The following ELL2 variants were observed in gnomAD, a reference collection of about 807,000 sequenced individuals.
ELL2 encodes RNA polymerase II elongation factor ELL2.
A neutral mutation model predicts 72.8 loss-of-function variants in ELL2; 21 were observed. That is an observed-to-expected ratio of 0.29 (90% CI 0.20 to 0.42). ELL2 has a LOEUF of 0.42. ELL2 is among the 10% of genes least tolerant of loss of function. The pLI is 1.00. For missense variants in ELL2, 568 were observed against 772.8 expected (o/e 0.73, Z 3.14); for synonymous variants, 266 against 283.2 (o/e 0.94, Z 0.61).
chr5:95,912,551 T>C (rs948822429), intron 4 of ELL2, among the ~76,000 whole-genome samples: 2 of 152,180 alleles, frequency 1.3e-5, no homozygotes, highest in Non-Finnish European at 2.9e-5. Flanking sequence ...AGAAAGTTAA[T>C]TAAGTTACTT....
At chr5:95,911,628 G>C (rs1411719141) in intron 4 of ELL2, among the ~76,000 whole-genome samples, 2 of 152,220 alleles carry the variant, frequency 1.3e-5, no homozygotes, top group Non-Finnish European at 2.9e-5. Flanking sequence ...TTACAGGCGT[G>C]AGCCATCGCA....
In ELL2 at chr5:95,889,914, GA is replaced by G. The variant is rs1055054837; in HGVS notation, c.1762-785del. On this transcript the variant is annotated intron_variant, in intron 10 of 11. Coordinates refer to ENST00000237853, the MANE Select transcript of ELL2 (RefSeq NM_012081.6). ...GGGGGGGAGTCAGGTGCCTGGGGGG[GA>G]TAATAGCCTAATGTATGTACCAAGT... Among the ~76,000 whole-genome samples the G allele has an allele frequency of 2.6e-5, 3 of 115,954 alleles. No homozygotes were observed. In the Admixed American group the frequency reaches 2.9e-4, roughly 11 times the overall value. 76.1% of individuals were successfully genotyped at this position (115,954 alleles called of 152,430 possible).
intron 2 of ELL2, among the ~76,000 whole-genome samples, chr5:95,931,765 A>T (rs567068300): frequency 8.3e-5 from 12 of 144,248 alleles, no homozygotes; most frequent in African/African-American, 2.8e-4. Flanking sequence ...CTAGAAGGGT[A>T]GCAAACACTG....
At chr5:95,942,959 C>T (rs765364350) in intron 2 of ELL2, 43 bp downstream of exon 2, 4 of 1,480,374 alleles carry the variant, frequency 2.7e-6, no homozygotes, top group Non-Finnish European at 3.6e-6. Context: ...GAATAGCGTG[C>T]AAGAACATTA....
intron 1 of ELL2, among the ~76,000 whole-genome samples, chr5:95,953,568 G>C (rs1359949216): frequency 6.6e-6 from 1 of 152,236 alleles, no homozygotes; most frequent in Non-Finnish European, 1.5e-5. Context: ...TAAGCTCACA[G>C]TTGAGTGAAA....
chr5:95,889,233 G>A (rs986281149), intron 10 of ELL2, 103 bp from the exon 11 acceptor site: 3 of 921,006 alleles, frequency 3.3e-6, no homozygotes, highest in Admixed American at 2.7e-5. Context: ...AATATTGACT[G>A]TGGGAATGTA....
intron 1 of ELL2, among the ~76,000 whole-genome samples, chr5:95,951,579 G>A (rs1412251051): frequency 6.6e-6 from 1 of 151,958 alleles, no homozygotes; most frequent in Non-Finnish European, 1.5e-5. Flanking sequence ...GGTAAAATAA[G>A]CTTAGATTGG....
chr5:95,920,276 A>AGT (rs1749999921), intron 2 of ELL2, among the ~76,000 whole-genome samples: 1 of 130,856 alleles, frequency 7.6e-6, no homozygotes, highest in Admixed American at 8.1e-5. Context: ...TTAAATTTTT[A>AGT]ATATTTATTT....
chr5:95,919,960 A>G (rs185765419), intron 2 of ELL2, among the ~76,000 whole-genome samples: 81 of 152,296 alleles, frequency 5.3e-4, no homozygotes, highest in Non-Finnish European at 8.5e-4. Flanking sequence ...TATTGAAGCA[A>G]TCTCTGAGAT....
chr5:95,926,787 A>G (rs1157846266), intron 2 of ELL2, among the ~76,000 whole-genome samples: 1 of 152,226 alleles, frequency 6.6e-6, no homozygotes, highest in Non-Finnish European at 1.5e-5. Flanking sequence ...ATTTATGACC[A>G]TTTTGGAGAA....
rs193226801 is a variant in ELL2, at chr5:95,927,837, A to G, written c.196-8292T>C. On this transcript the variant is annotated intron_variant, in intron 2 of 11. Coordinates refer to ENST00000237853, the MANE Select transcript of ELL2 (RefSeq NM_012081.6). Reference sequence around the variant, plus strand: ...TGTATATAGACATACACACACACATATGTGTGTATATTTTACTTTGAATGT... The same window carrying G: ...TGTATATAGACATACACACACACATGTGTGTGTATATTTTACTTTGAATGT... 2.4e-4 allele frequency among the ~76,000 whole-genome samples: 15 copies of G among 63,216 alleles called. 3 individuals are homozygous for G. Among genetic ancestry groups the G allele is most frequent in the African/African-American group, 1.1e-3 (8 of 7,484 alleles). The allele number at this position is 63,216 out of a possible 152,430, so 41.5% of individuals were successfully genotyped here.
intron 1 of ELL2, among the ~76,000 whole-genome samples, chr5:95,960,842 C>T (rs1202017229): frequency 1.3e-5 from 2 of 152,032 alleles, no homozygotes; most frequent in Non-Finnish European, 2.9e-5. Flanking sequence ...GCGCCGGTGT[C>T]CCGGAGTCCC....
rs1198548644 is a variant in ELL2 at position 95,906,570 on chromosome 5, C to T, written c.694G>A (p.Gly232Ser). ...GAGTTCTTGTCTTTTTGATTGACAC[C>T]ATCTTTCTGGAGTCTAGCAAGTAGC... ...PELLARLQKD[G>S]VNQKDKNSLG... Residue 232 changes from glycine (G) to serine (S), a missense_variant, in exon 5 of 12, where the codon GGT (glycine) becomes AGT (serine). Gly to Ser is a moderately conservative substitution (Grantham distance 56). Around this residue, in one of 2 missense-constraint regions of ELL2, gnomAD observed 511 missense variants for 728.4 expected, o/e 0.70. Coordinates refer to ENST00000237853, the MANE Select transcript of ELL2 (RefSeq NM_012081.6). 2 of 1,613,866 alleles carry T rather than the reference C, an allele frequency of 1.2e-6. No homozygotes were observed. Among genetic ancestry groups the T allele is most frequent in the South Asian group, 2.2e-5 (2 of 91,048 alleles).
intron 2 of ELL2, among the ~76,000 whole-genome samples, chr5:95,927,396 G>GACAT (rs1554077262): frequency 3.4e-5 from 1 of 29,364 alleles, no homozygotes; most frequent in Admixed American, 2.3e-4. Flanking sequence ...TGTATATATA[G>GACAT]ACATACACAC....
At chr5:95,959,365 G>A (rs891084864) in intron 1 of ELL2, among the ~76,000 whole-genome samples, 1 of 152,142 alleles carries the variant, frequency 6.6e-6, no homozygotes, top group Non-Finnish European at 1.5e-5. Flanking sequence ...GCCTCCTGCT[G>A]ACTTCTTTTT....
At chr5:95,959,990 C>G (rs927818409) in intron 1 of ELL2, among the ~76,000 whole-genome samples, 38 of 152,170 alleles carry the variant, frequency 2.5e-4, no homozygotes, top group Non-Finnish European at 3.7e-4. Flanking sequence ...GGTGGGGGGG[C>G]TCTCTGAATA....
At chr5:95,896,602 A>C (rs913731691) in intron 8 of ELL2, among the ~76,000 whole-genome samples, 4 of 152,230 alleles carry the variant, frequency 2.6e-5, no homozygotes, top group African/African-American at 9.6e-5. Context: ...CTTGGGTAAA[A>C]GAACATGCTT....
chr5:95,954,896 C>T (rs943714236), intron 1 of ELL2, among the ~76,000 whole-genome samples: 1 of 152,078 alleles, frequency 6.6e-6, no homozygotes, highest in Non-Finnish European at 1.5e-5. Context: ...CACACCAGGG[C>T]CAGAATAATC....
At position 95,950,902 on chromosome 5, in the gene ELL2, GTGTATATATATATATATATATATATATA is replaced by G. The variant is rs1751353822; in HGVS notation, c.148-7881_148-7854del. Reference sequence around the variant, plus strand: ...TATATATATATATGTATGTATGTATGTGTATATATATATATATATATATATATATATATATATATATATATATATATAA... The same window carrying G: ...TATATATATATATGTATGTATGTATGTATATATATATATATATATATATAA... On this transcript the variant is annotated intron_variant, in intron 1 of 11. Coordinates refer to ENST00000237853, the MANE Select transcript of ELL2 (RefSeq NM_012081.6). Among the ~76,000 whole-genome samples, 68 of 75,034 alleles carry G rather than the reference GTGTATATATATATATATATATATATATA, an allele frequency of 9.1e-4. 4 individuals carry two copies. The highest frequency in any genetic ancestry group is 2.4e-3 in the African/African-American group (55 of 23,382). The allele number at this position is 75,034 out of a possible 152,430, so 49.2% of individuals were successfully genotyped here.
Sources: gnomAD v4.1 joint callset for allele counts (sites outside exome capture counted in the v4.1 genomes callset) on GRCh38, gnomAD v4.1.1 for gene constraint, gnomAD v4.1.1 regional missense constraint, MANE v1.5 for transcripts, NCBI Gene and HGNC (gene_info 2026-07-23, HGNC 2026-07-21) for gene names.